Variants in MYCBP2 observed in about 807,000 individuals in gnomAD.
MYCBP2 encodes MYC binding protein 2, also known as E3 ubiquitin-protein ligase MYCBP2.
A neutral mutation model predicts 525.3 loss-of-function variants in MYCBP2; 120 were observed. The observed-to-expected ratio is 0.23, with a 90% CI of 0.20 to 0.27. The LOEUF is 0.27. MYCBP2 is among the 10% of genes least tolerant of loss of function. The pLI is 1.00. For synonymous variants in MYCBP2, 1,894 were observed against 1,955.8 expected, an observed-to-expected ratio of 0.97 and a Z score of 0.83; for missense variants, 4,149 against 5,657.1, an observed-to-expected ratio of 0.73 and a Z score of 8.55.
intron 63 of MYCBP2, among the ~76,000 whole-genome samples, chr13:77,082,444 G>A (rs1282576107): frequency 6.6e-6 from 1 of 152,142 alleles, no homozygotes; most frequent in Admixed American, 6.6e-5. Context: ...TTAGTAACAT[G>A]GGAAGCCCAA....
intron 14 of MYCBP2, among the ~76,000 whole-genome samples, chr13:77,252,035 T>C (rs2071299976): frequency 6.6e-6 from 1 of 152,198 alleles, no homozygotes; most frequent in South Asian, 2.1e-4. Context: ...AGTCATTCCC[T>C]ATTAAAGCAC....
intron 17 of MYCBP2, among the ~76,000 whole-genome samples, chr13:77,234,579 T>C (rs185237921): frequency 2.0e-5 from 3 of 152,154 alleles, no homozygotes; most frequent in South Asian, 2.1e-4. Context: ...CTACTACAGA[T>C]AGAAACATGC....
intron 20 of MYCBP2, among the ~76,000 whole-genome samples, chr13:77,219,822 T>A (rs1302282093): frequency 2.0e-5 from 3 of 152,132 alleles, no homozygotes; most frequent in Non-Finnish European, 4.4e-5. Context: ...GCAGGAGTTT[T>A]CAACTCAGAT....
At chr13:77,179,633 T>C (rs1393091085) in intron 34 of MYCBP2, among the ~76,000 whole-genome samples, 1 of 152,248 alleles carries the variant, frequency 6.6e-6, no homozygotes, top group East Asian at 1.9e-4. Context: ...ATATTATGTA[T>C]ATTTTACTAT....
intron 80 of MYCBP2, among the ~76,000 whole-genome samples, chr13:77,052,174 C>G (rs1209988068): frequency 6.6e-6 from 1 of 151,724 alleles, no homozygotes; most frequent in Admixed American, 6.6e-5. Context: ...CCTTCCTTCC[C>G]TTCTCTTCTC....
chr13:77,090,926 A>G (rs1413748888), intron 59 of MYCBP2, among the ~76,000 whole-genome samples: 1 of 152,166 alleles, frequency 6.6e-6, no homozygotes, highest in Non-Finnish European at 1.5e-5. Context: ...GAGCTATACA[A>G]TTTCCTTTAT....
intron 54 of MYCBP2, among the ~76,000 whole-genome samples, chr13:77,123,923 T>C (rs1303109599): frequency 6.6e-6 from 1 of 152,136 alleles, no homozygotes; most frequent in East Asian, 1.9e-4. Context: ...AATAAGCACA[T>C]AGTAAGTGAA....
chr13:77,104,382 A>G (rs1332886025), intron 55 of MYCBP2, among the ~76,000 whole-genome samples: 1 of 152,148 alleles, frequency 6.6e-6, no homozygotes, highest in African/African-American at 2.4e-5. Context: ...AGTGGTGAAC[A>G]GGAACAAAGT....
At chr13:77,087,673 CAT>C in intron 61 of MYCBP2, 40 bp from the exon 62 acceptor site, 1 of 1,563,194 alleles carries the variant, frequency 6.4e-7, no homozygotes, top group Non-Finnish European at 8.7e-7. Context: ...GAATAAAATA[CAT>C]GAGTTTAAAA....
intron 34 of MYCBP2, among the ~76,000 whole-genome samples, chr13:77,178,403 T>C (rs567015225): frequency 2.0e-5 from 3 of 152,236 alleles, no homozygotes; most frequent in Non-Finnish European, 4.4e-5. Flanking sequence ...AACCAGACTA[T>C]GTCCTCTCTC....
chr13:77,104,091 C>T (rs2047487279), intron 55 of MYCBP2, among the ~76,000 whole-genome samples: 1 of 151,934 alleles, frequency 6.6e-6, no homozygotes, highest in Non-Finnish European at 1.5e-5. Flanking sequence ...ACATCTCTAT[C>T]TGAATTTAAA....
At chr13:77,283,660 G>A (rs2076428430) in intron 3 of MYCBP2, among the ~76,000 whole-genome samples, 1 of 152,132 alleles carries the variant, frequency 6.6e-6, no homozygotes, top group South Asian at 2.1e-4. Flanking sequence ...ACTTTGGAAG[G>A]CTGAGGCGGT....
At position 77,314,361 on chromosome 13, in the gene MYCBP2, A is replaced by T. The variant is rs141454180; in HGVS notation, c.302+12113T>A. Among the ~76,000 whole-genome samples, 11 of 152,362 alleles carry T rather than the reference A, an allele frequency of 7.2e-5. No homozygotes were observed. In the East Asian group the frequency reaches 2.1e-3, roughly 29 times the overall value. On this transcript the variant is annotated intron_variant, in intron 1 of 82. Coordinates refer to ENST00000544440, the MANE Select transcript of MYCBP2 (RefSeq NM_015057.5). ...AATTGCCAAAACTTGGAAGCAACCC[A>T]ATTGTCCTCCAAACTCACCAAATTG...
In MYCBP2 at chr13:77,308,381, G is replaced by C. The variant is rs570828869; in HGVS notation, c.303-11707C>G. Among the ~76,000 whole-genome samples, 34 of 152,186 alleles carry C rather than the reference G, an allele frequency of 2.2e-4. No homozygotes were observed. In the South Asian group the frequency reaches 2.9e-3, roughly 13 times the overall value. Reference sequence around the variant, plus strand: ...TCCTTCAGCCTGCTATGTCAAGATAGGTTAAGAGTACAGAATTTAGAAACA... The same window carrying C: ...TCCTTCAGCCTGCTATGTCAAGATACGTTAAGAGTACAGAATTTAGAAACA... On this transcript the variant is annotated intron_variant, in intron 1 of 82. Transcript: ENST00000544440.
chr13:77,206,662 G>A lies in MYCBP2; in HGVS notation c.3580C>T (p.His1194Tyr), dbSNP rs2063377947. 1 of 1,594,128 alleles carries A rather than the reference G, an allele frequency of 6.3e-7. No homozygotes were observed. The highest frequency in any genetic ancestry group is 8.5e-7 in the Non-Finnish European group (1 of 1,169,962). The part of the protein sequence containing the change: ...ALTTRSHAAL[H>Y]ILGCLDTLAA... ...CAAATCGCAACCCTACCTAAAATGT[G>A]CAAAGCTGCATGAGATCGGGTAGTG... The change falls in exon 24 of 83, where the codon CAC (histidine) becomes TAC (tyrosine). Residue 1194 changes from histidine (H) to tyrosine (Y), a missense_variant. Around this residue, in one of 21 missense-constraint regions of MYCBP2, gnomAD observed 620 missense variants for 795.5 expected, o/e 0.78. Transcript: ENST00000544440.
intron 3 of MYCBP2, among the ~76,000 whole-genome samples, chr13:77,287,888 A>AT (rs1286977336): frequency 6.6e-6 from 1 of 151,868 alleles, no homozygotes; most frequent in Non-Finnish European, 1.5e-5. Flanking sequence ...GCTTTTGTAC[A>AT]TTTTTTAATT....
At chr13:77,122,431 G>T (rs752364410) in intron 54 of MYCBP2, among the ~76,000 whole-genome samples, 1 of 151,982 alleles carries the variant, frequency 6.6e-6, no homozygotes, top group Non-Finnish European at 1.5e-5. Context: ...GCCGGTCGCG[G>T]TGGCTTACGC....
intron 15 of MYCBP2, 59 bp downstream of exon 15, chr13:77,251,092 T>G (rs2071131848): frequency 6.5e-7 from 1 of 1,529,554 alleles, no homozygotes; most frequent in African/African-American, 1.4e-5. Flanking sequence ...TACTCCGGAA[T>G]GATTTTGCAA....
intron 71 of MYCBP2, 85 bp downstream of exon 71, chr13:77,067,496 G>T: frequency 1.4e-6 from 2 of 1,395,322 alleles, no homozygotes. Context: ...AACCTAACAA[G>T]GTAAAATCTG....
Sources: allele counts gnomAD v4.1 joint callset (sites outside exome capture counted in the v4.1 genomes callset), GRCh38; gene constraint gnomAD v4.1.1; regional missense constraint gnomAD v4.1.1; transcripts MANE v1.5; gene names NCBI Gene and HGNC (gene_info 2026-07-23, HGNC 2026-07-21).